ZDHHC21: variants seen among roughly 807,000 people sequenced by gnomAD.
ZDHHC21 encodes palmitoyltransferase ZDHHC21.
ZDHHC21 carries 15 observed loss-of-function variants against 34.6 expected under a neutral mutation model. The ratio of observed to expected loss-of-function variants is 0.43; its 90% CI spans 0.29 to 0.67. The LOEUF is 0.67. Ranked by LOEUF, ZDHHC21 falls within the 30% of genes least tolerant of loss-of-function variation. The pLI is 0.14. For missense variants in ZDHHC21, 344 were observed against 327.7 expected, an observed-to-expected ratio of 1.05 and a Z score of -0.38; for synonymous variants, 142 against 101.8, an observed-to-expected ratio of 1.40 and a Z score of -2.38.
At chr9:14,682,275 T>C (rs4457430) in intron 2 of ZDHHC21, among the ~76,000 whole-genome samples, 11,093 of 152,174 alleles carry the variant, frequency 0.073, 485 homozygotes, top group Admixed American at 0.12. Context: ...GACCCATCAG[T>C]GTGCTGTATT....
At chr9:14,676,185 C>T (rs911438459) in intron 3 of ZDHHC21, among the ~76,000 whole-genome samples, 2 of 151,808 alleles carry the variant, frequency 1.3e-5, no homozygotes, top group Non-Finnish European at 2.9e-5. Context: ...AGGCAAAAGC[C>T]AAAATTAGGT....
At chr9:14,678,311 T>G (rs912913587) in intron 3 of ZDHHC21, among the ~76,000 whole-genome samples, 1 of 151,940 alleles carries the variant, frequency 6.6e-6, no homozygotes, top group African/African-American at 2.4e-5. Context: ...TTAACACATC[T>G]GAAGCCCAAA....
At chr9:14,639,749 C>A (rs1828995477) in intron 8 of ZDHHC21, 147 bp downstream of exon 8, 1 of 485,464 alleles carries the variant, frequency 2.1e-6, no homozygotes, top group Non-Finnish European at 3.6e-6. Flanking sequence ...ATTATAACTA[C>A]TTTAAAATTA....
chr9:14,678,453 ATTACTG>A (rs1269573606), intron 3 of ZDHHC21, among the ~76,000 whole-genome samples: 19 of 152,086 alleles, frequency 1.2e-4, no homozygotes, highest in African/African-American at 4.3e-4. Flanking sequence ...ATGGCTAATC[ATTACTG>A]ATTAGGAATT....
chr9:14,648,523 A>T (rs181692375), intron 7 of ZDHHC21, among the ~76,000 whole-genome samples: 1 of 152,088 alleles, frequency 6.6e-6, no homozygotes, highest in African/African-American at 2.4e-5. Context: ...GAGAATGTCA[A>T]CAACAGTGAC....
At chr9:14,639,472 G>A (rs1385298988) in intron 8 of ZDHHC21, among the ~76,000 whole-genome samples, 1 of 151,994 alleles carries the variant, frequency 6.6e-6, no homozygotes, top group African/African-American at 2.4e-5. Flanking sequence ...CAGCAGCAAT[G>A]TATATTTTAA....
chr9:14,644,829 C>CAT (rs1830017493), intron 7 of ZDHHC21, among the ~76,000 whole-genome samples: 1 of 141,760 alleles, frequency 7.1e-6, no homozygotes, highest in African/African-American at 2.6e-5. Flanking sequence ...TACACACACA[C>CAT]ACACACACAT....
chr9:14,611,101 A>G lies in ZDHHC21; in HGVS notation c.*7865T>C, dbSNP rs1295698086. 1 of 152,094 alleles carries G rather than the reference A, an allele frequency of 6.6e-6. No individual in the cohort carries two copies. The highest frequency in any genetic ancestry group is 6.6e-5 in the Admixed American group (1 of 15,252). The allele number at this position is 152,094 out of a possible 1,614,324, so 9.4% of individuals were successfully genotyped here. On this transcript the variant is annotated 3_prime_UTR_variant, in exon 10 of 10. Transcript: ENST00000380916. The stretch of plus-strand genomic sequence containing the variant: ...TTTTAAAAAATATTTATTTAAAAAT[A>G]AGATTTCAAAAAATACAGTACTTAA...
At position 14,674,319 on chromosome 9, in the gene ZDHHC21, CAA is replaced by C; in HGVS notation, c.20_21del (p.Phe7CysfsTer3). On this transcript the variant is annotated frameshift_variant, in exon 4 of 10. Transcript: ENST00000380916. LOFTEE classifies it high-confidence loss of function. ...CAGCACCAACCATGTGGGTCAACAACAAAGTGAATCCGGAGACCCATTTTGCA... is the reference window on the plus strand; with the variant it reads ...CAGCACCAACCATGTGGGTCAACAACAGTGAATCCGGAGACCCATTTTGCA... MGLRIH[F>X]VVDPHGWCCM... 6.3e-7 allele frequency: 1 copy of C among 1,595,070 alleles called. No individual in the cohort carries two copies. The highest frequency in any genetic ancestry group is 2.3e-5 in the East Asian group (1 of 43,418).
rs959244887 is a variant in ZDHHC21, at chr9:14,662,974, T to C, written c.254-648A>G. ...GTTATAAGACAACTACTATTTTTAATGAAAATAAAGGAGTTCTTCATAAAA... is the reference window on the plus strand; with the variant it reads ...GTTATAAGACAACTACTATTTTTAACGAAAATAAAGGAGTTCTTCATAAAA... On this transcript the variant is annotated intron_variant, in intron 5 of 9. Transcript: ENST00000380916. Among the ~76,000 whole-genome samples the C allele has an allele frequency of 1.5e-3, 233 of 152,282 alleles. 1 individual carries two copies. Among genetic ancestry groups the C allele is most frequent in the African/African-American group, 5.5e-3 (227 of 41,556 alleles).
intron 5 of ZDHHC21, among the ~76,000 whole-genome samples, chr9:14,670,560 T>C (rs890023131): frequency 2.0e-5 from 3 of 152,040 alleles, no homozygotes; most frequent in Non-Finnish European, 4.4e-5. Context: ...GTATGGCCCA[T>C]AAAGCTGAAA....
intron 9 of ZDHHC21, among the ~76,000 whole-genome samples, chr9:14,619,341 A>C (rs190197467): frequency 6.6e-6 from 1 of 152,158 alleles, no homozygotes; most frequent in Non-Finnish European, 1.5e-5. Context: ...TCTCAGGATT[A>C]ACAGAATGTG....
chr9:14,631,953 C>T (rs1377377280), intron 8 of ZDHHC21, among the ~76,000 whole-genome samples: 1 of 151,788 alleles, frequency 6.6e-6, no homozygotes, highest in Non-Finnish European at 1.5e-5. Flanking sequence ...CAAGAATTAC[C>T]AAACTGTGGC....
intron 2 of ZDHHC21, among the ~76,000 whole-genome samples, chr9:14,680,959 T>C (rs543665038): frequency 6.6e-6 from 1 of 152,270 alleles, no homozygotes; most frequent in East Asian, 1.9e-4. Context: ...GTGAGGTAGC[T>C]AGATGAAGAA....
chr9:14,607,004 C>T (rs1041926035), downstream of ZDHHC21, among the ~76,000 whole-genome samples: 5 of 149,422 alleles, frequency 3.3e-5, no homozygotes, highest in African/African-American at 5.0e-5. Flanking sequence ...CACTTCTAGA[C>T]TTTACCTACA....
rs370594166 is a variant in ZDHHC21 at position 14,684,556 on chromosome 9, A to C, written c.-175-4394T>G. On this transcript the variant is annotated intron_variant, in intron 2 of 9. Coordinates refer to ENST00000380916, the MANE Select transcript of ZDHHC21 (RefSeq NM_178566.6). ...CACTGCTCAATGAAATAAAAGAGGA[A>C]ACAAACAAATGGAAGAACATTCCAT... 9.8e-3 allele frequency among the ~76,000 whole-genome samples: 1,478 copies of C among 151,196 alleles called. 13 individuals carry two copies. The highest frequency in any genetic ancestry group is 0.051 in the Middle Eastern group (15 of 294).
intron 7 of ZDHHC21, among the ~76,000 whole-genome samples, chr9:14,645,365 T>A (rs1248114075): frequency 6.6e-6 from 1 of 151,986 alleles, no homozygotes; most frequent in African/African-American, 2.4e-5. Context: ...AAGAATTATC[T>A]TTTCAATAAA....
At chr9:14,680,968 A>G (rs559696210) in intron 2 of ZDHHC21, among the ~76,000 whole-genome samples, 17 of 152,320 alleles carry the variant, frequency 1.1e-4, no homozygotes, top group African/African-American at 4.1e-4. Context: ...CTAGATGAAG[A>G]AGGCAGACTC....
At position 14,613,405 on chromosome 9, in the gene ZDHHC21, T is replaced by C. The variant is rs370021620; in HGVS notation, c.*5561A>G. The C allele has an allele frequency of 3.3e-5, 5 of 151,798 alleles. No homozygotes were observed. The South Asian group carries it at 1.0e-3, about 31-fold the overall frequency. 9.4% of individuals were successfully genotyped at this position (151,798 alleles called of 1,614,324 possible). A position where few individuals can be genotyped will look rare whatever the true frequency, so the allele number is the denominator to read the frequency against. ...ATAAAACACGAACTTCAGGCACCAG[T>C]AGGTTAAAATATCATCCAATGTATA... On this transcript the variant is annotated 3_prime_UTR_variant, in exon 10 of 10. Coordinates refer to ENST00000380916, the MANE Select transcript of ZDHHC21 (RefSeq NM_178566.6).
Sources: gnomAD v4.1 joint callset for allele counts (sites outside exome capture counted in the v4.1 genomes callset) on GRCh38, gnomAD v4.1.1 for gene constraint, MANE v1.5 for transcripts, NCBI Gene and HGNC (gene_info 2026-07-23, HGNC 2026-07-21) for gene names.